The following STARD13 variants were observed in gnomAD, a reference collection of about 807,000 sequenced individuals.
STARD13 encodes StAR related lipid transfer domain containing 13.
Under a neutral mutation model 106.4 loss-of-function variants are expected in STARD13, and 62 were observed. The observed-to-expected ratio is 0.58, with a 90% CI of 0.48 to 0.72. The LOEUF (loss-of-function observed/expected upper bound fraction) is 0.72. Ranked by LOEUF, STARD13 falls within the 30% of genes least tolerant of loss-of-function variation. The pLI, the probability that STARD13 is intolerant of heterozygous loss-of-function variation, is 0.00. For synonymous variants in STARD13, 565 were observed against 553.0 expected, an observed-to-expected ratio of 1.02 and a Z score of -0.31; for missense variants, 1,387 against 1,424.0, an observed-to-expected ratio of 0.97 and a Z score of 0.42.
At position 33,104,773 on chromosome 13, in the gene STARD13, C is replaced by G. The variant is rs1041388336; in HGVS notation, c.*820G>C. ...TGATGGGCATGGGAGCGAGAGGTAT[C>G]GCTTCTGTTTCAGTCACTCTCGCTG... On this transcript the variant is annotated 3_prime_UTR_variant, in exon 14 of 14. Transcript: ENST00000336934. 4 of 153,140 alleles carry G rather than the reference C, an allele frequency of 2.6e-5. No homozygotes were observed. Among genetic ancestry groups the G allele is most frequent in the African/African-American group, 9.7e-5 (4 of 41,072 alleles). 9.5% of individuals were successfully genotyped at this position (153,140 alleles called of 1,614,324 possible).
intron 1 of STARD13, among the ~76,000 whole-genome samples, chr13:33,198,014 C>T (rs2138079091): frequency 6.6e-6 from 1 of 152,186 alleles, no homozygotes; most frequent in South Asian, 2.1e-4. Context: ...ACTAAAAACA[C>T]AAAAAATTAG....
At chr13:33,190,108 T>C (rs1886133088) in intron 1 of STARD13, among the ~76,000 whole-genome samples, 1 of 152,046 alleles carries the variant, frequency 6.6e-6, no homozygotes, top group South Asian at 2.1e-4. Flanking sequence ...TGAATACCAA[T>C]TTGGGCTTTA....
intron 7 of STARD13, 32 bp downstream of exon 7, chr13:33,126,049 G>T: frequency 1.2e-6 from 2 of 1,609,618 alleles, no homozygotes; most frequent in East Asian, 2.2e-5. Flanking sequence ...GTTGGGGGTG[G>T]TGGGGCAGCA....
At chr13:33,540,490 G>C in the STARD13 span, among the ~76,000 whole-genome samples, 3 of 152,250 alleles carry the variant, frequency 2.0e-5, no homozygotes, top group African/African-American at 7.2e-5. Context: ...GAGGCACAGA[G>C]AGAGGCAGCA....
intron 3 of STARD13, among the ~76,000 whole-genome samples, chr13:33,145,777 C>A (rs970413267): frequency 6.6e-6 from 1 of 152,208 alleles, no homozygotes; most frequent in East Asian, 1.9e-4. Context: ...AGAGCATACA[C>A]TACAGGATTC....
intron 1 of STARD13, among the ~76,000 whole-genome samples, chr13:33,259,799 A>G (rs760602465): frequency 5.3e-5 from 8 of 152,156 alleles, no homozygotes; most frequent in Non-Finnish European, 1.2e-4. Flanking sequence ...GACCTTCCAT[A>G]TTAATATGGT....
the STARD13 span, among the ~76,000 whole-genome samples, chr13:33,467,751 A>G: frequency 4.6e-5 from 7 of 152,102 alleles, no homozygotes; most frequent in African/African-American, 1.7e-4. Flanking sequence ...AACCTTCACA[A>G]CAATTTCATG....
At chr13:33,414,561 T>G in the STARD13 span, among the ~76,000 whole-genome samples, 1 of 152,068 alleles carries the variant, frequency 6.6e-6, no homozygotes, top group South Asian at 2.1e-4. Flanking sequence ...ACATATTGTA[T>G]GTTTCATTTA....
the STARD13 span, among the ~76,000 whole-genome samples, chr13:33,609,906 C>T: frequency 6.6e-6 from 1 of 152,180 alleles, no homozygotes; most frequent in Non-Finnish European, 1.5e-5. Flanking sequence ...CCCATATACA[C>T]TAGGCATGTG....
chr13:33,499,604 TTTCTTC>T, the STARD13 span, among the ~76,000 whole-genome samples: 157 of 39,862 alleles, frequency 3.9e-3, 7 homozygotes, highest in East Asian at 4.8e-3. Flanking sequence ...CTTCTTCTTC[TTTCTTC>T]TTCTTCTTCT....
chr13:33,217,729 T>C (rs892127227), intron 1 of STARD13, among the ~76,000 whole-genome samples: 82 of 152,106 alleles, frequency 5.4e-4, no homozygotes, highest in Admixed American at 5.2e-3. Context: ...AAGCCAGAAA[T>C]AAACACCTTC....
At chr13:33,491,031 C>T in the STARD13 span, among the ~76,000 whole-genome samples, 1 of 152,204 alleles carries the variant, frequency 6.6e-6, no homozygotes, top group African/African-American at 2.4e-5. Flanking sequence ...TAAAGGGAGT[C>T]AGGGAAGTCT....
At chr13:33,134,286 A>C (rs1237322131) in intron 4 of STARD13, among the ~76,000 whole-genome samples, 2 of 152,198 alleles carry the variant, frequency 1.3e-5, no homozygotes, top group Non-Finnish European at 1.5e-5. Flanking sequence ...GAGCTTTAAA[A>C]AATGGCCAAA....
At chr13:33,511,360 T>C in the STARD13 span, 2 of 152,124 alleles carry the variant, frequency 1.3e-5, no homozygotes, top group Admixed American at 1.3e-4. Context: ...TATATTTATT[T>C]ATTTAACAAA....
the STARD13 span, among the ~76,000 whole-genome samples, chr13:33,613,425 G>A: frequency 6.6e-6 from 1 of 152,222 alleles, no homozygotes; most frequent in Admixed American, 6.5e-5. Flanking sequence ...TGTGGGCACA[G>A]AATTAGAGGG....
the STARD13 span, among the ~76,000 whole-genome samples, chr13:33,413,856 A>T: frequency 6.6e-6 from 1 of 151,576 alleles, no homozygotes; most frequent in African/African-American, 2.4e-5. Context: ...ATACGGTAAA[A>T]CCCCCATCTC....
In STARD13 at chr13:33,181,267, T is replaced by TACACACACAC. The variant is rs67752465; in HGVS notation, c.170-13646_170-13645insGTGTGTGTGT. On this transcript the variant is annotated intron_variant, in intron 1 of 13. Coordinates refer to ENST00000336934, the MANE Select transcript of STARD13 (RefSeq NM_178006.4). ...TCTATCTCTGTCTTTCACTCACACA[T>TACACACACAC]ACATACACACACACACACACACACA... Among the ~76,000 whole-genome samples the TACACACACAC allele has an allele frequency of 6.2e-4, 88 of 142,428 alleles. 1 individual carries two copies. Among genetic ancestry groups the TACACACACAC allele is most frequent in the African/African-American group, 1.8e-3 (73 of 39,856 alleles). 93.4% of individuals were successfully genotyped at this position (142,428 alleles called of 152,430 possible). A position where few individuals can be genotyped will look rare whatever the true frequency, so the allele number is the denominator to read the frequency against.
chr13:33,409,379 C>A, the STARD13 span, among the ~76,000 whole-genome samples: 2 of 152,166 alleles, frequency 1.3e-5, no homozygotes, highest in South Asian at 4.1e-4. Context: ...ACCCAGGTGG[C>A]ATGTGGTGGA....
the STARD13 span, among the ~76,000 whole-genome samples, chr13:33,572,755 A>G: frequency 6.6e-6 from 1 of 152,214 alleles, no homozygotes; most frequent in Non-Finnish European, 1.5e-5. Flanking sequence ...ACGGAACTGG[A>G]TACACATCAA....
Sources: gnomAD v4.1 joint callset for allele counts (sites outside exome capture counted in the v4.1 genomes callset) on GRCh38, gnomAD v4.1.1 for gene constraint, MANE v1.5 for transcripts, NCBI Gene and HGNC (gene_info 2026-07-23, HGNC 2026-07-21) for gene names.